Variants in EYS observed in about 807,000 individuals in gnomAD.
EYS encodes the protein EGF-like photoreceptor maintenance factor.
Under a neutral mutation model 282.1 loss-of-function variants are expected in EYS, and 250 were observed. The ratio of observed to expected loss-of-function variants is 0.89; its 90% CI spans 0.80 to 0.98. The LOEUF is 0.98. Ranked by LOEUF, EYS falls within the 50% of genes least tolerant of loss-of-function variation. The pLI, the probability that EYS is intolerant of heterozygous loss-of-function variation, is 0.00. For missense variants in EYS, 4,016 were observed against 3,709.0 expected, an observed-to-expected ratio of 1.08 and a Z score of -2.15; for synonymous variants, 1,355 against 1,282.9, an observed-to-expected ratio of 1.06 and a Z score of -1.20.
intron 5 of EYS, among the ~76,000 whole-genome samples, chr6:65,418,377 C>T (rs1342023990): frequency 1.3e-5 from 2 of 151,926 alleles, no homozygotes; most frequent in Non-Finnish European, 2.9e-5. Context: ...TCCAATAACA[C>T]TGTAAAAGCA....
intron 16 of EYS, among the ~76,000 whole-genome samples, chr6:64,906,106 A>G (rs1186197494): frequency 6.6e-6 from 1 of 151,252 alleles, no homozygotes; most frequent in Admixed American, 6.6e-5. Flanking sequence ...TTAAAAAAAT[A>G]TTATTTTATT....
At position 64,390,546 on chromosome 6, in the gene EYS, G is replaced by A. The variant is rs1207388440; in HGVS notation, c.5928-1706C>T. Among the ~76,000 whole-genome samples, 18 of 150,554 alleles carry A rather than the reference G, an allele frequency of 1.2e-4. No homozygotes were observed. The East Asian group carries it at 3.6e-3, about 30-fold the overall frequency. ...CCTCACAGGGCAGGGTATTCCAACA[G>A]ACCTGCAGCTGAGGGTCCTGACTGT... is the stretch of plus-strand genomic sequence containing the variant. On this transcript the variant is annotated intron_variant, in intron 28 of 42. Coordinates refer to ENST00000503581, the MANE Select transcript of EYS (RefSeq NM_001142800.2).
chr6:65,291,188 A>C (rs1266285614), intron 12 of EYS, among the ~76,000 whole-genome samples: 2 of 151,624 alleles, frequency 1.3e-5, no homozygotes, highest in Non-Finnish European at 3.0e-5. Flanking sequence ...TAAAAATTTC[A>C]CATTGTAAGC....
chr6:64,850,800 C>T (rs576555196), intron 19 of EYS, among the ~76,000 whole-genome samples: 13 of 151,762 alleles, frequency 8.6e-5, no homozygotes, highest in African/African-American at 2.9e-4. Flanking sequence ...TTAAGAAGAC[C>T]GATCAGATAG....
intron 30 of EYS, among the ~76,000 whole-genome samples, chr6:64,253,323 ATT>A (rs1473781457): frequency 1.3e-5 from 2 of 152,126 alleles, no homozygotes; most frequent in African/African-American, 4.8e-5. Context: ...CTTGAGAAAT[ATT>A]GTTGTAGATA....
chr6:65,346,129 C>A (rs1770383579), intron 9 of EYS, among the ~76,000 whole-genome samples: 1 of 151,726 alleles, frequency 6.6e-6, no homozygotes, highest in Admixed American at 6.6e-5. Flanking sequence ...CCTTGAGGGT[C>A]CCCTAGCGAA....
intron 12 of EYS, among the ~76,000 whole-genome samples, chr6:65,190,610 G>T (rs537846910): frequency 3.3e-4 from 50 of 151,742 alleles, no homozygotes; most frequent in African/African-American, 1.0e-3. Flanking sequence ...ATAAGAATAT[G>T]GGCATGCTGA....
At chr6:65,643,403 T>G (rs1562305436) in intron 1 of EYS, among the ~76,000 whole-genome samples, 1 of 152,170 alleles carries the variant, frequency 6.6e-6, no homozygotes, top group Non-Finnish European at 1.5e-5. Context: ...GAGCCTGAAC[T>G]AAGACATGCC....
chr6:65,405,335 C>T lies in EYS; in HGVS notation c.895G>A (p.Val299Ile). ...PFCEVSAKPC[V>I]SLLFWKRGIC... The stretch of plus-strand genomic sequence containing the variant: ...CCTCTTTTCCAAAAAAGCAGAGAAA[C>T]ACAAGGTTTTGCTGACACCTCACAG... The change falls in exon 6 of 43, where the codon GTT (valine) becomes ATT (isoleucine). Residue 299 changes from valine to isoleucine, a missense_variant. Physicochemically the swap from Val to Ile is conservative, Grantham distance 29. Coordinates refer to ENST00000503581, the MANE Select transcript of EYS (RefSeq NM_001142800.2). 1 of 1,609,852 alleles carries T rather than the reference C, an allele frequency of 6.2e-7. No homozygotes were observed. The highest frequency in any genetic ancestry group is 8.5e-7 in the Non-Finnish European group (1 of 1,178,416).
intron 2 of EYS, among the ~76,000 whole-genome samples, chr6:65,577,743 C>A (rs1323606414): frequency 2.0e-5 from 2 of 100,416 alleles, no homozygotes; most frequent in Admixed American, 1.1e-4. Flanking sequence ...ATAATAAAAG[C>A]CTGTTTTAAA....
intron 1 of EYS, among the ~76,000 whole-genome samples, chr6:65,703,178 T>C (rs887525657): frequency 5.3e-5 from 8 of 152,144 alleles, no homozygotes; most frequent in African/African-American, 1.9e-4. Flanking sequence ...AGTGCCTCTC[T>C]CTCTCTGTCT....
At chr6:64,686,855 G>A (rs1190806178) in intron 22 of EYS, among the ~76,000 whole-genome samples, 8 of 13,610 alleles carry the variant, frequency 5.9e-4, no homozygotes, top group South Asian at 5.3e-3. Flanking sequence ...ATATATATAT[G>A]TGTATATATA....
At chr6:64,853,158 A>G (rs1192506970) in intron 19 of EYS, among the ~76,000 whole-genome samples, 2 of 152,180 alleles carry the variant, frequency 1.3e-5, no homozygotes, top group African/African-American at 4.8e-5. Context: ...ATAACAACAT[A>G]TTATAAGTTT....
At chr6:65,453,074 A>T (rs763913524) in intron 5 of EYS, among the ~76,000 whole-genome samples, 1 of 152,096 alleles carries the variant, frequency 6.6e-6, no homozygotes, top group Non-Finnish European at 1.5e-5. Flanking sequence ...ATTTTTCAAA[A>T]TAAATGGTCT....
chr6:64,552,833 C>T (rs1274751053), intron 26 of EYS, among the ~76,000 whole-genome samples: 2 of 151,512 alleles, frequency 1.3e-5, no homozygotes, highest in African/African-American at 4.9e-5. Context: ...ACAGGAACAT[C>T]ACTTGAACTG....
chr6:64,051,481 T>C lies in EYS; in HGVS notation c.6725+14857A>G, dbSNP rs554014703. On this transcript the variant is annotated intron_variant, in intron 33 of 42. Coordinates refer to ENST00000503581, the MANE Select transcript of EYS (RefSeq NM_001142800.2). ...TCTATCAATGTAGAACGGAATAGGA[T>C]GCTTCCTGGAATAGCAATTTCCCAT... is the stretch of plus-strand genomic sequence containing the variant. Among the ~76,000 whole-genome samples the C allele has an allele frequency of 9.9e-4, 150 of 152,176 alleles. 1 individual carries two copies. Among genetic ancestry groups the C allele is most frequent in the Non-Finnish European group, 2.0e-3 (136 of 68,018 alleles).
intron 33 of EYS, among the ~76,000 whole-genome samples, chr6:64,022,399 C>T (rs1769235468): frequency 6.6e-6 from 1 of 152,092 alleles, no homozygotes; most frequent in Admixed American, 6.5e-5. Context: ...TTTTAGTGCG[C>T]TAAAATATAT....
intron 19 of EYS, among the ~76,000 whole-genome samples, chr6:64,845,101 C>T (rs1391192960): frequency 6.6e-6 from 1 of 151,924 alleles, no homozygotes; most frequent in East Asian, 1.9e-4. Context: ...CCAGCCTGGG[C>T]AATATAGTAA....
intron 29 of EYS, among the ~76,000 whole-genome samples, chr6:64,359,547 G>A (rs114077716): frequency 6.5e-4 from 99 of 151,572 alleles, no homozygotes; most frequent in African/African-American, 9.2e-4. Context: ...TCAGTTCTTC[G>A]GCATCTGTAA....
Sources: gnomAD v4.1 joint callset for allele counts (sites outside exome capture counted in the v4.1 genomes callset) on GRCh38, gnomAD v4.1.1 for gene constraint, MANE v1.5 for transcripts, NCBI Gene and HGNC (gene_info 2026-07-23, HGNC 2026-07-21) for gene names.